USO1: variants seen among roughly 807,000 people sequenced by gnomAD.
USO1 encodes USO1 vesicle transport factor.
Under a neutral mutation model 124.5 loss-of-function variants are expected in USO1, and 57 were observed. The ratio of observed to expected loss-of-function variants is 0.46; its 90% CI spans 0.37 to 0.57. USO1 has a LOEUF of 0.57. Ranked by LOEUF, USO1 falls within the 20% of genes least tolerant of loss-of-function variation. The pLI is 0.00. For synonymous variants in USO1, 369 were observed against 362.8 expected (o/e 1.02, Z -0.19); for missense variants, 900 against 1,040.6 (o/e 0.86, Z 1.86).
intron 9 of USO1, among the ~76,000 whole-genome samples, chr4:75,783,857 A>G (rs185479502): frequency 6.6e-6 from 1 of 152,278 alleles, no homozygotes. Context: ...TTACAAAAGT[A>G]TTTACCAGGA....
At chr4:75,745,070 T>G (rs780813640) in intron 1 of USO1, 1 of 335,088 alleles carries the variant, frequency 3.0e-6, no homozygotes, top group Non-Finnish European at 5.8e-6. Context: ...CATTAATGCC[T>G]TCTTTGACCT....
chr4:75,756,700 T>G (rs771233653), intron 3 of USO1, among the ~76,000 whole-genome samples: 1 of 151,838 alleles, frequency 6.6e-6, no homozygotes, highest in Non-Finnish European at 1.5e-5. Flanking sequence ...GAGACGGGGT[T>G]TCTCCGTCTC....
At position 75,814,147 on chromosome 4, in the gene USO1, A is replaced by T. The variant is rs1055817693; in HGVS notation, c.*852A>T. On this transcript the variant is annotated 3_prime_UTR_variant, in exon 24 of 24. Transcript: ENST00000514213. ...AGGTTTAAGTCAGATAATAGATTTT[A>T]AAAAAGCAAATGAGGCAATGTGTCA... The T allele has an allele frequency of 4.6e-5, 7 of 152,206 alleles. No individual in the cohort carries two copies. The highest frequency in any genetic ancestry group is 1.4e-4 in the African/African-American group (6 of 41,446). 9.4% of individuals were successfully genotyped at this position (152,206 alleles called of 1,614,324 possible).
At chr4:75,744,493 C>T (rs931977851) in intron 1 of USO1, among the ~76,000 whole-genome samples, 1 of 152,196 alleles carries the variant, frequency 6.6e-6, no homozygotes, top group African/African-American at 2.4e-5. Context: ...GATCTTGGCT[C>T]ACTGCAACCT....
At chr4:75,760,203 C>T (rs1452561715) in intron 4 of USO1, among the ~76,000 whole-genome samples, 2 of 152,072 alleles carry the variant, frequency 1.3e-5, no homozygotes, top group Non-Finnish European at 2.9e-5. Context: ...CAGAGGGAGA[C>T]TCTGTCTCAA....
In USO1 at chr4:75,814,227, T is replaced by C. The variant is rs1723229489; in HGVS notation, c.*932T>C. 1 of 152,206 alleles carries C rather than the reference T, an allele frequency of 6.6e-6. No homozygotes were observed. The highest frequency in any genetic ancestry group is 2.4e-5 in the African/African-American group (1 of 41,454). 9.4% of individuals were successfully genotyped at this position (152,206 alleles called of 1,614,324 possible). On this transcript the variant is annotated 3_prime_UTR_variant, in exon 24 of 24. Coordinates refer to ENST00000514213, the MANE Select transcript of USO1 (RefSeq NM_003715.4). ...ACGTTGACTTAATCCTTGGTCATGG[T>C]TCCCTTTGTTTACATCTTAAAAGTA...
At chr4:75,797,088 C>T (rs540809151) in intron 13 of USO1, among the ~76,000 whole-genome samples, 34 of 152,110 alleles carry the variant, frequency 2.2e-4, no homozygotes, top group African/African-American at 6.0e-4. Context: ...GTGGGGGCAT[C>T]GCTTGAGCTT....
intron 1 of USO1, among the ~76,000 whole-genome samples, chr4:75,746,062 C>T (rs975240135): frequency 3.7e-4 from 56 of 152,146 alleles, no homozygotes; most frequent in African/African-American, 1.3e-3. Context: ...GTATGTAGTT[C>T]TGTTCCTTAG....
chr4:75,726,374 C>T (rs1340016625), intron 1 of USO1, among the ~76,000 whole-genome samples: 1 of 151,290 alleles, frequency 6.6e-6, no homozygotes, highest in African/African-American at 2.4e-5. Context: ...TACCTTACTT[C>T]AAAGCCTTCA....
intron 3 of USO1, among the ~76,000 whole-genome samples, chr4:75,756,507 AT>A (rs5859475): frequency 6.4e-4 from 86 of 135,152 alleles, no homozygotes; most frequent in African/African-American, 1.8e-3. Context: ...TTTCATAATA[AT>A]TTTTTTTTTT....
intron 1 of USO1, among the ~76,000 whole-genome samples, chr4:75,740,865 G>A (rs1468645048): frequency 6.6e-6 from 1 of 152,020 alleles, no homozygotes; most frequent in African/African-American, 2.4e-5. Context: ...GTCTTACTTC[G>A]CATCACTCGA....
rs190373559 is a variant in USO1, at chr4:75,790,766, C to T, written c.1209C>T (p.Ile403=). 2.4e-4 allele frequency: 385 copies of T among 1,610,790 alleles called. 2 individuals carry two copies. The African/African-American group carries it at 4.6e-3, about 19-fold the overall frequency. ...LYKNQKGQGE[I]VSTLLPSTID... is the part of the protein sequence containing the mutation. ...AAAACCAAAAAGGACAAGGAGAAATCGTGTCAACACTTTTACCTTCTACCA... is the reference window on the plus strand; with the variant it reads ...AAAACCAAAAAGGACAAGGAGAAATTGTGTCAACACTTTTACCTTCTACCA... The change falls in exon 12 of 24, where the codon ATC becomes ATT. Residue 403 remains isoleucine (I), a synonymous_variant. Coordinates refer to ENST00000514213, the MANE Select transcript of USO1 (RefSeq NM_003715.4).
intron 13 of USO1, among the ~76,000 whole-genome samples, chr4:75,795,914 T>TTTTTG (rs36105117): frequency 1.0e-3 from 153 of 150,244 alleles, no homozygotes; most frequent in African/African-American, 1.2e-3. Context: ...GAAAGTGCTA[T>TTTTTG]TTTTGTTTTG....
At chr4:75,785,525 A>G (rs1403746640) in intron 9 of USO1, among the ~76,000 whole-genome samples, 5 of 152,090 alleles carry the variant, frequency 3.3e-5, no homozygotes, top group Non-Finnish European at 7.4e-5. Context: ...AACTTTATAT[A>G]TTAAGTCATA....
At chr4:75,804,394 A>G (rs1167442638) in intron 18 of USO1, 122 bp downstream of exon 18, 5 of 1,397,930 alleles carry the variant, frequency 3.6e-6, no homozygotes, top group Non-Finnish European at 4.7e-6. Context: ...GGTGACAAAA[A>G]TGTAAATCGG....
Position 75,757,491 on chromosome 4 carries a change from T to C in USO1, c.219-6T>C. 1 of 1,496,550 alleles carries C rather than the reference T, an allele frequency of 6.7e-7. No homozygotes were observed. The highest frequency in any genetic ancestry group is 8.9e-7 in the Non-Finnish European group (1 of 1,120,412). The allele number at this position is 1,496,550 out of a possible 1,614,324, so 92.7% of individuals were successfully genotyped here. ...GTGTATAAGTGTAATAATTTCTTTT[T>C]TCCAGTTCAGATTCTGAAATAATAG... is the stretch of plus-strand genomic sequence containing the variant. On this transcript the variant is annotated splice_region_variant and splice_polypyrimidine_tract_variant and intron_variant, in intron 3 of 23. Transcript: ENST00000514213.
rs190890804 is a variant in USO1, at chr4:75,802,081, C to T, written c.1986+881C>T. Among the ~76,000 whole-genome samples, 28 of 152,232 alleles carry T rather than the reference C, an allele frequency of 1.8e-4. No homozygotes were observed. In the East Asian group the frequency reaches 4.2e-3, roughly 23 times the overall value. On this transcript the variant is annotated intron_variant, in intron 17 of 23. Transcript: ENST00000514213. Reference sequence around the variant, plus strand: ...CCTTCCCTTCCCTGCCTCAGCCTTCCGAAATGCTGGGATTATAGGCATAAG... The same window carrying T: ...CCTTCCCTTCCCTGCCTCAGCCTTCTGAAATGCTGGGATTATAGGCATAAG...
intron 1 of USO1, among the ~76,000 whole-genome samples, chr4:75,733,270 T>TA (rs1223252842): frequency 6.6e-6 from 1 of 151,516 alleles, no homozygotes; most frequent in Non-Finnish European, 1.5e-5. Flanking sequence ...AAAAAAAAAT[T>TA]AAAAAAAATA....
intron 8 of USO1, among the ~76,000 whole-genome samples, chr4:75,778,306 TAAGG>T (rs747798851): frequency 1.8e-4 from 28 of 152,028 alleles, no homozygotes; most frequent in Non-Finnish European, 4.1e-4. Flanking sequence ...TACAGTAAAA[TAAGG>T]TAGAAAAAAG....
Sources: allele counts gnomAD v4.1 joint callset (sites outside exome capture counted in the v4.1 genomes callset), GRCh38; gene constraint gnomAD v4.1.1; transcripts MANE v1.5; gene names NCBI Gene and HGNC (gene_info 2026-07-23, HGNC 2026-07-21).